Variants in L3MBTL4 observed in about 807,000 individuals in gnomAD.
L3MBTL4 encodes L3MBTL histone methyl-lysine binding protein 4.
In L3MBTL4, 70 loss-of-function variants were observed where a neutral mutation model predicts 84.5. The ratio of observed to expected loss-of-function variants is 0.83; its 90% CI spans 0.68 to 1.01. The LOEUF (loss-of-function observed/expected upper bound fraction) is 1.01. Ranked by LOEUF, L3MBTL4 falls within the 50% of genes least tolerant of loss-of-function variation. L3MBTL4 has a pLI of 0.00. For synonymous variants in L3MBTL4, 274 were observed against 259.8 expected, an observed-to-expected ratio of 1.05 and a Z score of -0.52; for missense variants, 715 against 754.8, an observed-to-expected ratio of 0.95 and a Z score of 0.62.
intron 6 of L3MBTL4, 44 bp from the exon 7 acceptor site, chr18:6,243,473 T>C: frequency 6.6e-7 from 1 of 1,504,386 alleles, no homozygotes; most frequent in Non-Finnish European, 8.9e-7. Flanking sequence ...GTGTCATATA[T>C]TTGGAGTAGA....
At position 6,196,441 on chromosome 18, in the gene L3MBTL4, G is replaced by A. The variant is rs533654519; in HGVS notation, c.981+16708C>T. On this transcript the variant is annotated intron_variant, in intron 12 of 18. Coordinates refer to ENST00000317931, the MANE Select transcript of L3MBTL4 (RefSeq NM_001330559.2). ...CAAAATGCTGGGATTACAGGCATGA[G>A]CCACCGTGCCCGGCCTAGAGTTCCT... 1.1e-4 allele frequency among the ~76,000 whole-genome samples: 17 copies of A among 152,234 alleles called. No individual in the cohort carries two copies. In the South Asian group the frequency reaches 2.5e-3, roughly 22 times the overall value.
At chr18:6,280,108 C>A (rs556610204) in intron 4 of L3MBTL4, among the ~76,000 whole-genome samples, 2 of 152,278 alleles carry the variant, frequency 1.3e-5, no homozygotes, top group South Asian at 4.1e-4. Flanking sequence ...ACTAGTCATT[C>A]TCAATGAATG....
chr18:6,160,085 G>A (rs1406293014), intron 13 of L3MBTL4, among the ~76,000 whole-genome samples: 1 of 152,192 alleles, frequency 6.6e-6, no homozygotes, highest in South Asian at 2.1e-4. Flanking sequence ...GGGCTGCCCT[G>A]CTGGTGGACT....
At chr18:6,058,916 T>C (rs914974087) in intron 16 of L3MBTL4, among the ~76,000 whole-genome samples, 1 of 152,202 alleles carries the variant, frequency 6.6e-6, no homozygotes, top group African/African-American at 2.4e-5. Flanking sequence ...TTTTGGCTCC[T>C]GAGAAAAATA....
At chr18:6,171,603 A>C (rs1449034285) in intron 13 of L3MBTL4, among the ~76,000 whole-genome samples, 1 of 152,232 alleles carries the variant, frequency 6.6e-6, no homozygotes, top group African/African-American at 2.4e-5. Context: ...ATTCCTTTGG[A>C]AAACACTATC....
At chr18:6,318,022 G>A (rs1297563705) in intron 1 of L3MBTL4, among the ~76,000 whole-genome samples, 1 of 152,078 alleles carries the variant, frequency 6.6e-6, no homozygotes, top group Non-Finnish European at 1.5e-5. Context: ...AAATGAAGGA[G>A]AAATAAAGTC....
intron 16 of L3MBTL4, among the ~76,000 whole-genome samples, chr18:6,047,253 T>TA (rs2056662820): frequency 6.6e-6 from 1 of 151,900 alleles, no homozygotes; most frequent in South Asian, 2.1e-4. Flanking sequence ...GAACTGGTAA[T>TA]AAAAATCTTA....
intron 1 of L3MBTL4, among the ~76,000 whole-genome samples, chr18:6,338,949 G>GA (rs1316523229): frequency 6.6e-6 from 1 of 152,020 alleles, no homozygotes; most frequent in African/African-American, 2.4e-5. Flanking sequence ...AATCCCTTAT[G>GA]AAAAAATAAG....
intron 15 of L3MBTL4, among the ~76,000 whole-genome samples, chr18:6,091,700 T>C (rs1437408858): frequency 2.0e-5 from 3 of 152,216 alleles, no homozygotes; most frequent in Middle Eastern, 3.2e-3. Flanking sequence ...AAAGAAAAGC[T>C]TAGCTAACCT....
intron 10 of L3MBTL4, among the ~76,000 whole-genome samples, chr18:6,224,474 C>T (rs2046693598): frequency 6.6e-6 from 1 of 152,134 alleles, no homozygotes; most frequent in East Asian, 1.9e-4. Flanking sequence ...GGAACCATCC[C>T]TCATGCATTA....
chr18:6,239,821 C>G lies in L3MBTL4; in HGVS notation c.604G>C (p.Asp202His), dbSNP rs2047379357. ...CACACCAAGGAAGGGTTCTTCCTGT[C>G]CACGGCCTCCAGCTTCATTCCAACC... is the stretch of plus-strand genomic sequence containing the variant. ...FQVGMKLEAV[D>H]RKNPSLVCVA... Residue 202 changes from aspartate (D) to histidine (H), a missense_variant, in exon 9 of 19, where the codon GAC becomes CAC. Transcript: ENST00000317931. The G allele has an allele frequency of 1.2e-6, 2 of 1,614,078 alleles. No individual in the cohort carries two copies. The highest frequency in any genetic ancestry group is 2.7e-5 in the African/African-American group (2 of 74,928).
chr18:6,088,144 A>T (rs933176535), intron 15 of L3MBTL4, among the ~76,000 whole-genome samples: 1 of 152,238 alleles, frequency 6.6e-6, no homozygotes, highest in African/African-American at 2.4e-5. Flanking sequence ...TAAGCTGCTG[A>T]TATGTGGTGT....
chr18:6,155,710 T>A (rs1305785992), intron 13 of L3MBTL4, among the ~76,000 whole-genome samples: 2 of 152,226 alleles, frequency 1.3e-5, no homozygotes, highest in Admixed American at 6.5e-5. Flanking sequence ...TTAAATATGA[T>A]GAAAAATTTT....
chr18:5,972,367 A>G (rs1216450330), intron 16 of L3MBTL4, among the ~76,000 whole-genome samples: 1 of 152,122 alleles, frequency 6.6e-6, no homozygotes, highest in Admixed American at 6.6e-5. Context: ...ATCTGGAATA[A>G]CCATTCTGTC....
chr18:5,996,435 T>TGTTTTC (rs1202332348), intron 16 of L3MBTL4, among the ~76,000 whole-genome samples: 4 of 152,232 alleles, frequency 2.6e-5, no homozygotes, highest in African/African-American at 9.6e-5. Context: ...TTTTTGTTTT[T>TGTTTTC]GTTTTTGTTT....
intron 1 of L3MBTL4, among the ~76,000 whole-genome samples, chr18:6,342,593 A>C (rs1359363518): frequency 6.6e-6 from 1 of 152,164 alleles, no homozygotes; most frequent in Non-Finnish European, 1.5e-5. Flanking sequence ...TAAAAGAGAA[A>C]GATAGAGGAA....
At chr18:6,388,383 GA>G (rs2144482850) in intron 1 of L3MBTL4, among the ~76,000 whole-genome samples, 1 of 152,280 alleles carries the variant, frequency 6.6e-6, no homozygotes, top group South Asian at 2.1e-4. Context: ...GACAAATTTT[GA>G]GAGTAAAAAA....
intron 16 of L3MBTL4, among the ~76,000 whole-genome samples, chr18:6,019,928 C>T (rs1285940844): frequency 6.6e-6 from 1 of 152,130 alleles, no homozygotes; most frequent in East Asian, 1.9e-4. Flanking sequence ...AAACAGGAGG[C>T]ATGTCCTCTT....
At chr18:5,965,396 C>A (rs754909936) in intron 17 of L3MBTL4, among the ~76,000 whole-genome samples, 16 of 152,218 alleles carry the variant, frequency 1.1e-4, no homozygotes, top group Non-Finnish European at 1.9e-4. Flanking sequence ...CTGCTGCAGA[C>A]ACGCTGTTTT....
Sources: allele counts gnomAD v4.1 joint callset (sites outside exome capture counted in the v4.1 genomes callset), GRCh38; gene constraint gnomAD v4.1.1; transcripts MANE v1.5; gene names NCBI Gene and HGNC (gene_info 2026-07-23, HGNC 2026-07-21).